PLXDC2: variants seen among roughly 807,000 people sequenced by gnomAD.
PLXDC2 encodes the protein plexin domain containing 2, also known as plexin domain-containing protein 2.
A neutral mutation model predicts 68.9 loss-of-function variants in PLXDC2; 40 were observed. The ratio of observed to expected loss-of-function variants is 0.58; its 90% CI spans 0.45 to 0.76. PLXDC2 has a LOEUF of 0.76. Ranked by LOEUF, PLXDC2 falls within the 30% of genes least tolerant of loss-of-function variation. The pLI is 0.00. For synonymous variants in PLXDC2, 243 were observed against 234.2 expected, an observed-to-expected ratio of 1.04 and a Z score of -0.34; for missense variants, 644 against 661.9, an observed-to-expected ratio of 0.97 and a Z score of 0.30.
At position 20,147,056 on chromosome 10, in the gene PLXDC2, T is replaced by C. The variant is rs1455467847; in HGVS notation, c.665-728T>C. ...ACACAATGTCAGTTAAAACAAAAAT[T>C]TGAATTCTCACTGGTGACTATTAAA... is the stretch of plus-strand genomic sequence containing the variant. On this transcript the variant is annotated intron_variant, in intron 5 of 13. Coordinates refer to ENST00000377252, the MANE Select transcript of PLXDC2 (RefSeq NM_032812.9). 1.7e-4 allele frequency among the ~76,000 whole-genome samples: 26 copies of C among 152,140 alleles called. 1 individual carries two copies. Among genetic ancestry groups the C allele is most frequent in the Admixed American group, 1.6e-3 (25 of 15,272 alleles).
intron 1 of PLXDC2, among the ~76,000 whole-genome samples, chr10:19,820,998 T>G (rs1380953946): frequency 6.6e-6 from 1 of 151,842 alleles, no homozygotes; most frequent in African/African-American, 2.4e-5. Context: ...GAGAATCACT[T>G]GAACCCAGGA....
intron 12 of PLXDC2, among the ~76,000 whole-genome samples, chr10:20,239,177 A>T (rs146498825): frequency 3.3e-5 from 5 of 152,310 alleles, no homozygotes; most frequent in African/African-American, 1.2e-4. Flanking sequence ...TGTGAGAAAG[A>T]TGCTTGTTTA....
chr10:19,906,209 G>A (rs1449498923), intron 1 of PLXDC2, among the ~76,000 whole-genome samples: 1 of 151,998 alleles, frequency 6.6e-6, no homozygotes, highest in Non-Finnish European at 1.5e-5. Flanking sequence ...CGTGTGTGTT[G>A]TAAGATGTGT....
At chr10:20,090,085 C>T (rs1297094466) in intron 4 of PLXDC2, among the ~76,000 whole-genome samples, 1 of 152,120 alleles carries the variant, frequency 6.6e-6, no homozygotes, top group African/African-American at 2.4e-5. Flanking sequence ...TGAATCTTCC[C>T]AGTTGGTAAA....
chr10:20,078,216 GA>G (rs1017275836), intron 4 of PLXDC2, among the ~76,000 whole-genome samples: 9 of 149,482 alleles, frequency 6.0e-5, no homozygotes, highest in Non-Finnish European at 1.0e-4. Context: ...TATCTCTTCA[GA>G]AAAAAAAAAT....
intron 3 of PLXDC2, among the ~76,000 whole-genome samples, chr10:20,063,853 C>G (rs1417538597): frequency 1.3e-5 from 2 of 152,114 alleles, no homozygotes; most frequent in Admixed American, 1.3e-4. Flanking sequence ...TACGCTTTGA[C>G]CAAGTCTTCA....
chr10:20,221,138 C>T (rs1251640626), intron 12 of PLXDC2, among the ~76,000 whole-genome samples: 11 of 140,210 alleles, frequency 7.8e-5, no homozygotes, highest in African/African-American at 9.6e-5. Context: ...CCACCACGCA[C>T]GGCCAACACT....
intron 1 of PLXDC2, among the ~76,000 whole-genome samples, chr10:19,988,832 G>A (rs886470667): frequency 1.9e-5 from 2 of 104,052 alleles, no homozygotes; most frequent in African/African-American, 7.7e-5. Flanking sequence ...GTCTCACTTG[G>A]TTGCTCAGGC....
chr10:20,017,118 C>T (rs891575002), intron 2 of PLXDC2, among the ~76,000 whole-genome samples: 2 of 152,138 alleles, frequency 1.3e-5, no homozygotes, highest in Admixed American at 6.5e-5. Flanking sequence ...GAGAGAGAAA[C>T]GAGAAGCACC....
chr10:20,035,165 G>A (rs769458235), intron 2 of PLXDC2, among the ~76,000 whole-genome samples: 13 of 151,812 alleles, frequency 8.6e-5, no homozygotes, highest in Admixed American at 7.2e-4. Flanking sequence ...ATCTTTATTT[G>A]CAAAATGATG....
chr10:19,936,074 A>T (rs1833718227), intron 1 of PLXDC2, among the ~76,000 whole-genome samples: 1 of 152,198 alleles, frequency 6.6e-6, no homozygotes, highest in South Asian at 2.1e-4. Flanking sequence ...GGGTGTCTTG[A>T]TTTCTTTTTA....
intron 1 of PLXDC2, among the ~76,000 whole-genome samples, chr10:19,940,548 CAA>C (rs10682522): frequency 5.3e-5 from 6 of 113,618 alleles, no homozygotes; most frequent in African/African-American, 6.1e-5. Context: ...TTTGATTGTG[CAA>C]AAAAAAAAAA....
chr10:20,061,136 C>T (rs1292166795), intron 3 of PLXDC2, among the ~76,000 whole-genome samples: 14 of 152,186 alleles, frequency 9.2e-5, no homozygotes, highest in African/African-American at 1.4e-4. Context: ...AACAAATTCA[C>T]GTTGGTACTA....
intron 1 of PLXDC2, among the ~76,000 whole-genome samples, chr10:19,991,744 G>T (rs1316059877): frequency 6.6e-6 from 1 of 152,154 alleles, no homozygotes; most frequent in Non-Finnish European, 1.5e-5. Context: ...TGGCAGCCTA[G>T]ATTTAATAGA....
rs199997009 is a variant in PLXDC2 at position 19,858,588 on chromosome 10, GTCT to G, written c.112+41402_112+41404del. Among the ~76,000 whole-genome samples, 13 of 152,272 alleles carry G rather than the reference GTCT, an allele frequency of 8.5e-5. No individual in the cohort carries two copies. The East Asian group carries it at 2.5e-3, about 29-fold the overall frequency. On this transcript the variant is annotated intron_variant, in intron 1 of 13. Transcript: ENST00000377252. ...TAGAAATGAATTAGTTTAGATTTCT[GTCT>G]TCTTAACATCTAAATGAAATTAGCT...
chr10:20,071,540 C>G (rs1303711487), intron 4 of PLXDC2, among the ~76,000 whole-genome samples: 1 of 152,188 alleles, frequency 6.6e-6, no homozygotes, highest in Non-Finnish European at 1.5e-5. Context: ...TGCACACACC[C>G]TCTCTTGCTT....
intron 13 of PLXDC2, among the ~76,000 whole-genome samples, chr10:20,275,306 C>T (rs1835991569): frequency 6.6e-6 from 1 of 152,096 alleles, no homozygotes; most frequent in South Asian, 2.1e-4. Context: ...CTCAACATCA[C>T]CTGGGAGCCT....
chr10:19,998,082 C>T (rs535327598), intron 1 of PLXDC2, among the ~76,000 whole-genome samples: 2 of 152,186 alleles, frequency 1.3e-5, no homozygotes, highest in South Asian at 2.1e-4. Context: ...TACAGTAGAC[C>T]GAAAGCAAAC....
intron 10 of PLXDC2, among the ~76,000 whole-genome samples, chr10:20,216,139 G>T (rs1031138860): frequency 1.3e-5 from 2 of 151,992 alleles, no homozygotes; most frequent in Admixed American, 6.6e-5. Context: ...AATAGAGCAA[G>T]ATGCTTGAAG....
Sources: allele counts gnomAD v4.1 joint callset (sites outside exome capture counted in the v4.1 genomes callset), GRCh38; gene constraint gnomAD v4.1.1; transcripts MANE v1.5; gene names NCBI Gene and HGNC (gene_info 2026-07-23, HGNC 2026-07-21).